The following WDR72 variants were observed in gnomAD, a reference collection of about 807,000 sequenced individuals.
The protein encoded by WDR72 is WD repeat domain 72, also known as WD repeat-containing protein 72.
WDR72 carries 120 observed loss-of-function variants against 124.2 expected under a neutral mutation model. The ratio of observed to expected loss-of-function variants is 0.97; its 90% CI spans 0.83 to 1.12. The LOEUF (loss-of-function observed/expected upper bound fraction) is 1.12. WDR72 is among the 50% of genes most tolerant of loss of function. WDR72 has a pLI of 0.00. For synonymous variants in WDR72, 452 were observed against 441.7 expected (o/e 1.02, Z -0.29); for missense variants, 1,387 against 1,278.8 (o/e 1.08, Z -1.29).
intron 4 of WDR72, among the ~76,000 whole-genome samples, chr15:53,716,006 T>C (rs939922697): frequency 2.0e-5 from 3 of 152,196 alleles, no homozygotes; most frequent in African/African-American, 7.2e-5. Context: ...TGCAGGGTTT[T>C]ATTTCCAAAA....
At chr15:53,754,426 G>A (rs926943677) in intron 1 of WDR72, among the ~76,000 whole-genome samples, 9 of 152,000 alleles carry the variant, frequency 5.9e-5, no homozygotes, top group African/African-American at 2.2e-4. Flanking sequence ...GCAATATGTG[G>A]CACTATGGCA....
intron 13 of WDR72, among the ~76,000 whole-genome samples, chr15:53,698,407 T>A (rs1375664327): frequency 6.6e-6 from 1 of 152,212 alleles, no homozygotes; most frequent in Non-Finnish European, 1.5e-5. Context: ...TAAGCAGAAG[T>A]CAAGACTTTG....
chr15:53,702,112 T>C (rs752158065), intron 12 of WDR72, 22 bp downstream of exon 12: 4 of 1,568,078 alleles, frequency 2.6e-6, no homozygotes, highest in Non-Finnish European at 3.5e-6. Flanking sequence ...ATTTAGATGT[T>C]ATATTTTACT....
chr15:53,675,591 T>C (rs1053019644), intron 13 of WDR72, among the ~76,000 whole-genome samples: 2 of 152,214 alleles, frequency 1.3e-5, no homozygotes, highest in Admixed American at 6.5e-5. Flanking sequence ...ACACCAGGCA[T>C]GTTATTTTTA....
At chr15:53,674,864 A>G (rs2016112130) in intron 13 of WDR72, among the ~76,000 whole-genome samples, 1 of 152,112 alleles carries the variant, frequency 6.6e-6, no homozygotes, top group Non-Finnish European at 1.5e-5. Context: ...CAGCTGGGCC[A>G]CATTCAACCC....
At chr15:53,705,869 G>A in intron 10 of WDR72, 58 bp downstream of exon 10, 2 of 1,603,290 alleles carry the variant, frequency 1.2e-6, no homozygotes, top group Non-Finnish European at 1.7e-6. Context: ...GAAGAACAAT[G>A]AATTAATTAC....
intron 13 of WDR72, among the ~76,000 whole-genome samples, chr15:53,674,990 G>A (rs899325816): frequency 9.2e-5 from 14 of 152,204 alleles, no homozygotes; most frequent in African/African-American, 3.4e-4. Context: ...TTGCTGAGAT[G>A]TGTAAAGATA....
intron 2 of WDR72, among the ~76,000 whole-genome samples, chr15:53,727,448 C>A (rs1013185114): frequency 4.6e-5 from 7 of 152,138 alleles, no homozygotes; most frequent in Admixed American, 3.9e-4. Flanking sequence ...AGAAATATTT[C>A]CTTCTTAAAA....
upstream of WDR72, among the ~76,000 whole-genome samples, chr15:53,760,193 A>G (rs1411593496): frequency 1.3e-5 from 2 of 152,068 alleles, no homozygotes; most frequent in East Asian, 3.9e-4. Flanking sequence ...ATACTCTTTT[A>G]GTTATTTTTA....
At chr15:53,653,474 T>C (rs1164136911) in intron 14 of WDR72, among the ~76,000 whole-genome samples, 1 of 152,126 alleles carries the variant, frequency 6.6e-6, no homozygotes, top group African/African-American at 2.4e-5. Context: ...GAGGTGAAAA[T>C]ATTCTGGCAA....
In WDR72 at chr15:53,687,325, C is replaced by A. The variant is rs1327327715; in HGVS notation, c.1765+12425G>T. Among the ~76,000 whole-genome samples the A allele has an allele frequency of 1.0e-4, 15 of 149,498 alleles. 1 individual carries two copies. Among genetic ancestry groups the A allele is most frequent in the African/African-American group, 3.0e-4 (12 of 40,206 alleles). ...TTGATAGACCACTAGCAAGACTAATCAAGAAAAAAAGAGAGAAGAATCAAA... is the reference window on the plus strand; with the variant it reads ...TTGATAGACCACTAGCAAGACTAATAAAGAAAAAAAGAGAGAAGAATCAAA... On this transcript the variant is annotated intron_variant, in intron 13 of 19. Transcript: ENST00000360509.
At chr15:53,599,615 T>C (rs975570288) in intron 17 of WDR72, among the ~76,000 whole-genome samples, 1 of 152,076 alleles carries the variant, frequency 6.6e-6, no homozygotes, top group Non-Finnish European at 1.5e-5. Context: ...ACAGACTATA[T>C]TATACCCCTC....
At chr15:53,592,322 T>A (rs1482422695) in intron 18 of WDR72, among the ~76,000 whole-genome samples, 1 of 152,008 alleles carries the variant, frequency 6.6e-6, no homozygotes, top group African/African-American at 2.4e-5. Flanking sequence ...GAAAAAAAGA[T>A]GCACTTACTA....
chr15:53,753,691 A>G (rs1396382671), intron 1 of WDR72, among the ~76,000 whole-genome samples: 1 of 152,154 alleles, frequency 6.6e-6, no homozygotes, highest in Non-Finnish European at 1.5e-5. Flanking sequence ...CCTTATTCCT[A>G]AACACATCCC....
chr15:53,708,909 G>A (rs2140540266), intron 9 of WDR72, among the ~76,000 whole-genome samples: 1 of 152,252 alleles, frequency 6.6e-6, no homozygotes, highest in Non-Finnish European at 1.5e-5. Flanking sequence ...AGATCCTCAT[G>A]CAGCTGCTGG....
At chr15:53,546,669 A>T (rs1403318705) in intron 18 of WDR72, among the ~76,000 whole-genome samples, 1 of 152,198 alleles carries the variant, frequency 6.6e-6, no homozygotes, top group East Asian at 1.9e-4. Context: ...TATAATAATA[A>T]TAAAAAAAAG....
rs542341935 is a variant in WDR72, at chr15:53,672,746, A to G, written c.1766-6978T>C. Among the ~76,000 whole-genome samples, 18 of 152,330 alleles carry G rather than the reference A, an allele frequency of 1.2e-4. No homozygotes were observed. In the South Asian group the frequency reaches 1.9e-3, roughly 16 times the overall value. ...AAGAGCCATCACATTCTACACTTCAATTCCCTTCCAAACAGCCAGAAGTTG... is the reference window on the plus strand; with the variant it reads ...AAGAGCCATCACATTCTACACTTCAGTTCCCTTCCAAACAGCCAGAAGTTG... On this transcript the variant is annotated intron_variant, in intron 13 of 19. Coordinates refer to ENST00000360509, the MANE Select transcript of WDR72 (RefSeq NM_182758.4).
At chr15:53,704,850 C>G in intron 11 of WDR72, 138 bp downstream of exon 11, 1 of 757,084 alleles carries the variant, frequency 1.3e-6, no homozygotes. Flanking sequence ...GTATGTTTTA[C>G]TTTAACATTA....
intron 18 of WDR72, among the ~76,000 whole-genome samples, chr15:53,549,025 A>G (rs1893613263): frequency 6.6e-6 from 1 of 152,240 alleles, no homozygotes; most frequent in Admixed American, 6.5e-5. Context: ...ACAAACATCT[A>G]GGTAGGAACT....
Sources: gnomAD v4.1 joint callset for allele counts (sites outside exome capture counted in the v4.1 genomes callset) on GRCh38, gnomAD v4.1.1 for gene constraint, MANE v1.5 for transcripts, NCBI Gene and HGNC (gene_info 2026-07-23, HGNC 2026-07-21) for gene names.